Variants in ZNF385C observed in about 807,000 individuals in gnomAD.
ZNF385C encodes the protein CTD-2132N18.2.
In ZNF385C, 28 loss-of-function variants were observed where a neutral mutation model predicts 35.4. That is an observed-to-expected ratio of 0.79 (90% CI 0.59 to 1.08). The LOEUF is 1.08. Among genes scored for constraint, ZNF385C ranks in the 50% least tolerant of loss-of-function variants. The pLI is 0.00. For missense variants in ZNF385C, 605 were observed against 595.6 expected (o/e 1.02, Z -0.16); for synonymous variants, 248 against 248.2 (o/e 1.00, Z 0.01).
chr17:42,039,549 G>T (rs2052953438), intron 2 of ZNF385C: 1 of 612,912 alleles, frequency 1.6e-6, no homozygotes, highest in Non-Finnish European at 2.4e-6. Flanking sequence ...GGGTGGGGGG[G>T]GTTGGTGGGA....
rs532330743 is a variant in ZNF385C at position 42,086,057 on chromosome 17, G to C, written c.-3+12353C>G. Among the ~76,000 whole-genome samples the C allele has an allele frequency of 3.3e-5, 5 of 152,192 alleles. No homozygotes were observed. The East Asian group carries it at 9.8e-4, about 30-fold the overall frequency. ...CACTCCAGCCTGGGCAGCAGAGCAA[G>C]ATCTTGTCTCGAAAAATAATAACAA... On this transcript the variant is annotated intron_variant, in intron 1 of 8. Transcript: ENST00000692273.
intron 7 of ZNF385C, 77 bp from the exon 8 acceptor site, chr17:42,027,805 C>T: frequency 2.7e-6 from 4 of 1,461,650 alleles, no homozygotes; most frequent in Non-Finnish European, 3.8e-6. Flanking sequence ...CGACTCTTCC[C>T]CTTCCTCTAT....
chr17:42,069,100 C>G (rs1567993734), intron 1 of ZNF385C, among the ~76,000 whole-genome samples: 1 of 152,176 alleles, frequency 6.6e-6, no homozygotes, highest in East Asian at 1.9e-4. Flanking sequence ...TCCCTCTGTT[C>G]CCTGTCTTCC....
intron 3 of ZNF385C, among the ~76,000 whole-genome samples, chr17:42,035,542 C>CTTTTTT (rs67173303): frequency 5.7e-5 from 6 of 105,596 alleles, no homozygotes; most frequent in Non-Finnish European, 7.4e-5. Context: ...TGCTGACGAC[C>CTTTTTT]TTTTTTTTTT....
chr17:42,040,304 G>A (rs2052985149), intron 2 of ZNF385C: 1 of 1,231,738 alleles, frequency 8.1e-7, no homozygotes, highest in Non-Finnish European at 1.0e-6. Flanking sequence ...GAGTAACCGA[G>A]CAGCTCCACG....
intron 1 of ZNF385C, among the ~76,000 whole-genome samples, chr17:42,079,130 T>C (rs2053716586): frequency 6.8e-6 from 1 of 147,490 alleles, no homozygotes; most frequent in Non-Finnish European, 1.5e-5. Flanking sequence ...GGTGGGTGGA[T>C]TGCTTGAGCC....
intron 2 of ZNF385C, chr17:42,040,190 C>T (rs1212275230): frequency 1.4e-5 from 17 of 1,231,456 alleles, no homozygotes; most frequent in African/African-American, 4.7e-5. Context: ...GCGAAGGCGG[C>T]CACGGCGTCC....
intron 2 of ZNF385C, among the ~76,000 whole-genome samples, chr17:42,055,573 T>A (rs2053360962): frequency 6.6e-6 from 1 of 152,136 alleles, no homozygotes; most frequent in African/African-American, 2.4e-5. Context: ...GAGCACAGTT[T>A]CTTTGCAGCA....
At chr17:42,029,506 GTCAGGAGT>G in intron 5 of ZNF385C, among the ~76,000 whole-genome samples, 1 of 152,130 alleles carries the variant, frequency 6.6e-6, no homozygotes, top group East Asian at 1.9e-4. Context: ...ATCACCTAAG[GTCAGGAGT>G]TCGAGACTGG....
chr17:42,073,608 C>G (rs568805711), intron 1 of ZNF385C, among the ~76,000 whole-genome samples: 2 of 152,064 alleles, frequency 1.3e-5, no homozygotes, highest in Admixed American at 6.6e-5. Context: ...CTTTCTGATT[C>G]CTCCCAGGGA....
chr17:42,067,662 GC>G (rs1285734129), intron 1 of ZNF385C, among the ~76,000 whole-genome samples: 1 of 152,108 alleles, frequency 6.6e-6, no homozygotes, highest in Non-Finnish European at 1.5e-5. Context: ...ACTGCATGGA[GC>G]CCCCCACCAA....
At chr17:42,081,926 G>A (rs781910802) in intron 1 of ZNF385C, among the ~76,000 whole-genome samples, 1 of 152,168 alleles carries the variant, frequency 6.6e-6, no homozygotes, top group Admixed American at 6.5e-5. Context: ...GAGTTTCTAG[G>A]AGAGCAAGGG....
chr17:42,058,304 C>T (rs1263205537), intron 2 of ZNF385C, among the ~76,000 whole-genome samples: 1 of 152,196 alleles, frequency 6.6e-6, no homozygotes, highest in Non-Finnish European at 1.5e-5. Flanking sequence ...CTGCAGGCCC[C>T]TAATCAAAGC....
chr17:42,076,233 T>C (rs569922934), intron 1 of ZNF385C, among the ~76,000 whole-genome samples: 2 of 152,338 alleles, frequency 1.3e-5, no homozygotes, highest in Admixed American at 6.5e-5. Flanking sequence ...GTGGGCCTTC[T>C]GTGTGCCAGA....
intron 5 of ZNF385C, among the ~76,000 whole-genome samples, chr17:42,030,671 T>C (rs2052706531): frequency 6.6e-6 from 1 of 152,208 alleles, no homozygotes; most frequent in Non-Finnish European, 1.5e-5. Flanking sequence ...TTCACATCTA[T>C]CTGGAACCTC....
intron 2 of ZNF385C, chr17:42,038,119 A>G: frequency 6.6e-7 from 1 of 1,512,640 alleles, no homozygotes; most frequent in Non-Finnish European, 8.9e-7. Context: ...GCCCAGAGGG[A>G]TGACCCTCCT....
chr17:42,093,955 G>T (rs2053890189), intron 1 of ZNF385C, among the ~76,000 whole-genome samples: 1 of 150,286 alleles, frequency 6.7e-6, no homozygotes, highest in Non-Finnish European at 1.5e-5. Flanking sequence ...GCCCAGAAGT[G>T]ATCGTGGCCC....
intron 7 of ZNF385C, 88 bp from the exon 8 acceptor site, chr17:42,027,816 C>G (rs2052628119): frequency 7.1e-7 from 1 of 1,401,672 alleles, no homozygotes; most frequent in Non-Finnish European, 1.0e-6. Context: ...CTTCCTCTAT[C>G]CACAGCTCAT....
In ZNF385C at chr17:42,095,160, C is replaced by CAAATA. The variant is rs1476844533; in HGVS notation, c.-3+3245_-3+3249dup. Among the ~76,000 whole-genome samples, 1 of 152,266 alleles carries CAAATA rather than the reference C, an allele frequency of 6.6e-6. No individual in the cohort carries two copies. Among genetic ancestry groups the CAAATA allele is most frequent in the East Asian group, 1.9e-4 (1 of 5,182 alleles). ...GAGGCCAACGTGGCAGGCTGTTCCT[C>CAAATA]AAATAGCCCAATCAGAAACAATGAG... On this transcript the variant is annotated intron_variant, in intron 1 of 8. Transcript: ENST00000692273. This position sits in a 1 kb window ranked among gnomAD's most constrained non-coding sequence, Gnocchi z 4.4.
Sources: gnomAD v4.1 joint callset for allele counts (sites outside exome capture counted in the v4.1 genomes callset) on GRCh38, gnomAD v4.1.1 for gene constraint, Gnocchi (gnomAD v3.1) non-coding constraint, MANE v1.5 for transcripts, NCBI Gene and HGNC (gene_info 2026-07-23, HGNC 2026-07-21) for gene names.